FHOD3: variants seen among roughly 807,000 people sequenced by gnomAD.
FHOD3 encodes the protein FH1/FH2 domain-containing protein 3.
Under a neutral mutation model 173.0 loss-of-function variants are expected in FHOD3, and 90 were observed. The observed-to-expected ratio is 0.52, with a 90% CI of 0.44 to 0.62. The LOEUF (loss-of-function observed/expected upper bound fraction) is 0.62. Among genes scored for constraint, FHOD3 ranks in the 20% least tolerant of loss-of-function variants. The pLI, the probability that FHOD3 is intolerant of heterozygous loss-of-function variation, is 0.00. For missense variants in FHOD3, 1,945 were observed against 2,034.7 expected, an observed-to-expected ratio of 0.96 and a Z score of 0.85; for synonymous variants, 828 against 823.0, an observed-to-expected ratio of 1.01 and a Z score of -0.10.
chr18:36,561,926 G>A (rs533106061), intron 5 of FHOD3, among the ~76,000 whole-genome samples: 11 of 151,850 alleles, frequency 7.2e-5, no homozygotes, highest in Admixed American at 2.0e-4. Flanking sequence ...TTTAGGTTTC[G>A]CTAAATGGTA....
At chr18:36,309,383 G>A (rs2092191650) in intron 1 of FHOD3, among the ~76,000 whole-genome samples, 2 of 152,200 alleles carry the variant, frequency 1.3e-5, no homozygotes, top group African/African-American at 2.4e-5. Context: ...TGGGGAGAAA[G>A]GAGTGGTGGC....
chr18:36,353,384 G>A (rs774060459), intron 1 of FHOD3, among the ~76,000 whole-genome samples: 1 of 152,198 alleles, frequency 6.6e-6, no homozygotes, highest in Non-Finnish European at 1.5e-5. Flanking sequence ...AGAATTAACA[G>A]CCTGTTATAG....
At chr18:36,575,014 A>G (rs2058595971) in intron 5 of FHOD3, among the ~76,000 whole-genome samples, 1 of 150,716 alleles carries the variant, frequency 6.6e-6, no homozygotes, top group Non-Finnish European at 1.5e-5. Context: ...TCTATCACCC[A>G]GACTGGAGTG....
At chr18:36,590,189 A>G (rs2059166224) in intron 6 of FHOD3, among the ~76,000 whole-genome samples, 1 of 152,102 alleles carries the variant, frequency 6.6e-6, no homozygotes, top group Non-Finnish European at 1.5e-5. Context: ...CATTTATTAT[A>G]AAATGTGTCT....
At chr18:36,460,510 C>T (rs1472115713) in intron 3 of FHOD3, among the ~76,000 whole-genome samples, 2 of 152,180 alleles carry the variant, frequency 1.3e-5, no homozygotes, top group African/African-American at 4.8e-5. Context: ...GTCCTTTTTC[C>T]AGGGAGCATT....
intron 3 of FHOD3, among the ~76,000 whole-genome samples, chr18:36,403,240 C>G (rs542353516): frequency 6.6e-6 from 1 of 152,206 alleles, no homozygotes; most frequent in Non-Finnish European, 1.5e-5. Flanking sequence ...TCTGCAGCTT[C>G]CCTCCTCCCT....
At position 36,513,566 on chromosome 18, in the gene FHOD3, A is replaced by G. The variant is rs542941732; in HGVS notation, c.511+1023A>G. Among the ~76,000 whole-genome samples, 100 of 152,270 alleles carry G rather than the reference A, an allele frequency of 6.6e-4. 1 individual carries two copies. In the South Asian group the frequency reaches 0.02, roughly 30 times the overall value. ...AAGGAAGAATGAAAATCATACATGA[A>G]AAGTATGATTTAATATCAGATGTCT... On this transcript the variant is annotated intron_variant, in intron 5 of 28. Coordinates refer to ENST00000590592, the MANE Select transcript of FHOD3 (RefSeq NM_001281740.3).
At chr18:36,720,436 C>A (rs2040700252) in intron 19 of FHOD3, among the ~76,000 whole-genome samples, 1 of 151,882 alleles carries the variant, frequency 6.6e-6, no homozygotes, top group African/African-American at 2.4e-5. Context: ...TGGGGTTTCA[C>A]CATGTTGGCC....
intron 1 of FHOD3, among the ~76,000 whole-genome samples, chr18:36,315,384 T>C (rs766181409): frequency 1.3e-5 from 2 of 152,102 alleles, no homozygotes; most frequent in Non-Finnish European, 2.9e-5. Flanking sequence ...GAGCTCTGGA[T>C]CCCAGATTTG....
intron 6 of FHOD3, among the ~76,000 whole-genome samples, chr18:36,578,430 C>A (rs990985832): frequency 6.6e-6 from 1 of 152,160 alleles, no homozygotes; most frequent in Non-Finnish European, 1.5e-5. Context: ...TGGGTCCCTC[C>A]CATGACATGT....
intron 1 of FHOD3, among the ~76,000 whole-genome samples, chr18:36,322,714 A>G (rs888003454): frequency 2.6e-5 from 4 of 152,218 alleles, no homozygotes; most frequent in East Asian, 3.9e-4. Flanking sequence ...CTTTCTGTCC[A>G]GTCTTGTCCC....
chr18:36,659,753 G>A (rs2036656677), intron 14 of FHOD3, among the ~76,000 whole-genome samples: 1 of 152,176 alleles, frequency 6.6e-6, no homozygotes, highest in Non-Finnish European at 1.5e-5. Context: ...GGTCCATGTG[G>A]CCCACAAGAT....
In FHOD3 at chr18:36,730,756, C is replaced by A. The variant is rs767028264; in HGVS notation, c.3528C>A (p.Ile1176=). The part of the protein sequence containing the change: ...TVLPPPRTIK[I]AILNFDEYAL... ...TGCCCCCTCCAAGGACGATTAAGATCGCCATTTTGAATTTTGATGAGTATG... is the reference window on the plus strand; with the variant it reads ...TGCCCCCTCCAAGGACGATTAAGATAGCCATTTTGAATTTTGATGAGTATG... Residue 1176 remains isoleucine, a synonymous_variant, in exon 20 of 29, where the codon ATC becomes ATA. Coordinates refer to ENST00000590592, the MANE Select transcript of FHOD3 (RefSeq NM_001281740.3). 2.5e-5 allele frequency: 40 copies of A among 1,613,936 alleles called. No homozygotes were observed. The highest frequency in any genetic ancestry group is 3.0e-5 in the Non-Finnish European group (35 of 1,180,012).
chr18:36,541,403 A>T (rs891255638), intron 5 of FHOD3, among the ~76,000 whole-genome samples: 1 of 151,920 alleles, frequency 6.6e-6, no homozygotes, highest in East Asian at 1.9e-4. Context: ...ACAAAATGAG[A>T]CCCTGTCTCT....
At chr18:36,450,443 G>GTTTATTTATTTA (rs78899431) in intron 3 of FHOD3, among the ~76,000 whole-genome samples, 44 of 92,976 alleles carry the variant, frequency 4.7e-4, no homozygotes, top group Non-Finnish European at 9.0e-4. Flanking sequence ...CGACCAGTTT[G>GTTTATTTATTTA]TTTATTTATT....
chr18:36,473,009 G>A (rs752757299), intron 3 of FHOD3, among the ~76,000 whole-genome samples: 8 of 152,314 alleles, frequency 5.3e-5, no homozygotes, highest in African/African-American at 9.6e-5. Context: ...CATGACCAAA[G>A]CCCATCCTTA....
chr18:36,696,772 A>G (rs2039307660), intron 17 of FHOD3, among the ~76,000 whole-genome samples: 1 of 152,222 alleles, frequency 6.6e-6, no homozygotes, highest in South Asian at 2.1e-4. Flanking sequence ...TCTTTCTAAA[A>G]GTACCAGCCC....
chr18:36,352,524 T>A (rs934487638), intron 1 of FHOD3, among the ~76,000 whole-genome samples: 8 of 152,196 alleles, frequency 5.3e-5, no homozygotes, highest in Non-Finnish European at 1.5e-5. Context: ...TGAAACAGGC[T>A]CTGGTGGGAG....
chr18:36,411,414 G>A lies in FHOD3; in HGVS notation c.337+38670G>A, dbSNP rs916251515. On this transcript the variant is annotated intron_variant, in intron 3 of 28. Coordinates refer to ENST00000590592, the MANE Select transcript of FHOD3 (RefSeq NM_001281740.3). The stretch of plus-strand genomic sequence containing the variant: ...TTTGTTACTATGTGATCCTGAATGA[G>A]GAATCAATTGATTTCTTATCTGTCT... 3.3e-5 allele frequency among the ~76,000 whole-genome samples: 5 copies of A among 152,262 alleles called. No homozygotes were observed. In the East Asian group the frequency reaches 9.6e-4, roughly 29 times the overall value.
Sources: allele counts gnomAD v4.1 joint callset (sites outside exome capture counted in the v4.1 genomes callset), GRCh38; gene constraint gnomAD v4.1.1; transcripts MANE v1.5; gene names NCBI Gene and HGNC (gene_info 2026-07-23, HGNC 2026-07-21).